Variants in ETV6 observed in about 807,000 individuals in gnomAD.
ETV6 encodes ETS variant transcription factor 6.
In ETV6, 16 loss-of-function variants were observed where a neutral mutation model predicts 51.1. The observed-to-expected ratio is 0.31, with a 90% CI of 0.21 to 0.48. The LOEUF (loss-of-function observed/expected upper bound fraction) is 0.48, where lower values mean the gene tolerates loss of function less well. ETV6 is among the 20% of genes least tolerant of loss of function. ETV6 has a pLI of 0.99. For missense variants in ETV6, 458 were observed against 594.8 expected (o/e 0.77, Z 2.39); for synonymous variants, 240 against 224.1 (o/e 1.07, Z -0.64).
intron 1 of ETV6, among the ~76,000 whole-genome samples, chr12:11,726,264 G>T (rs188817349): frequency 6.6e-6 from 1 of 152,312 alleles, no homozygotes; most frequent in Non-Finnish European, 1.5e-5. Context: ...TGAAGGAAAA[G>T]AGGGGAGACC....
intron 2 of ETV6, among the ~76,000 whole-genome samples, chr12:11,815,889 G>C (rs2136427168): frequency 6.6e-6 from 1 of 152,290 alleles, no homozygotes; most frequent in East Asian, 1.9e-4. Flanking sequence ...ACAGAAGGCA[G>C]TTCTATTACA....
At chr12:11,770,600 C>G (rs1248032141) in intron 2 of ETV6, among the ~76,000 whole-genome samples, 7 of 152,204 alleles carry the variant, frequency 4.6e-5, no homozygotes, top group Non-Finnish European at 1.5e-5. Context: ...TTCCCTTCCT[C>G]TACTTATCTT....
intron 1 of ETV6, among the ~76,000 whole-genome samples, chr12:11,742,805 CTTT>C (rs751007395): frequency 4.8e-4 from 38 of 78,676 alleles, no homozygotes; most frequent in South Asian, 4.0e-3. Flanking sequence ...TTCTTTCTTT[CTTT>C]TTTTTTTTTT....
chr12:11,714,437 G>A (rs982349316), intron 1 of ETV6, among the ~76,000 whole-genome samples: 7 of 152,086 alleles, frequency 4.6e-5, no homozygotes, highest in Non-Finnish European at 7.4e-5. Context: ...GCCTAACTAC[G>A]CAGCCTGCCT....
intron 1 of ETV6, among the ~76,000 whole-genome samples, chr12:11,748,218 A>G (rs1159842926): frequency 6.6e-6 from 1 of 152,200 alleles, no homozygotes; most frequent in Non-Finnish European, 1.5e-5. Flanking sequence ...AATGACCACT[A>G]TCCTGTGTCC....
intron 1 of ETV6, among the ~76,000 whole-genome samples, chr12:11,681,596 T>C (rs750083654): frequency 1.4e-4 from 22 of 152,180 alleles, no homozygotes; most frequent in Non-Finnish European, 2.6e-4. Flanking sequence ...TATTATACTT[T>C]AAGTTCTGGG....
chr12:11,827,750 A>G (rs1246119300), intron 2 of ETV6, among the ~76,000 whole-genome samples: 3 of 152,210 alleles, frequency 2.0e-5, no homozygotes, highest in South Asian at 2.1e-4. Flanking sequence ...CCAGTTCAGA[A>G]TGAGAATGAG....
At chr12:11,751,928 T>C in intron 1 of ETV6, 1 of 441,606 alleles carries the variant, frequency 2.3e-6, no homozygotes, top group East Asian at 6.0e-5. Flanking sequence ...TCCTTGTGGA[T>C]TGAAGTTCTA....
intron 3 of ETV6, chr12:11,840,616 G>C (rs975433422): frequency 7.2e-6 from 3 of 418,880 alleles, no homozygotes; most frequent in Non-Finnish European, 1.4e-5. Flanking sequence ...CAGGAGATGA[G>C]ATAAAGCCCC....
intron 1 of ETV6, among the ~76,000 whole-genome samples, chr12:11,662,685 T>G (rs1293631772): frequency 6.6e-6 from 1 of 152,214 alleles, no homozygotes; most frequent in Non-Finnish European, 1.5e-5. Flanking sequence ...ATTTCTTATT[T>G]GGGTGCACTT....
chr12:11,857,820 C>T (rs1233618983), intron 4 of ETV6, among the ~76,000 whole-genome samples: 1 of 152,222 alleles, frequency 6.6e-6, no homozygotes, highest in African/African-American at 2.4e-5. Context: ...TCTGTCTCCC[C>T]AGTTATAAGA....
intron 1 of ETV6, among the ~76,000 whole-genome samples, chr12:11,724,077 T>C (rs1174334266): frequency 1.3e-5 from 2 of 151,946 alleles, no homozygotes; most frequent in Non-Finnish European, 2.9e-5. Context: ...TAACTCTTGG[T>C]CTCATTAGGG....
chr12:11,665,928 T>G (rs934157751), intron 1 of ETV6, among the ~76,000 whole-genome samples: 12 of 152,340 alleles, frequency 7.9e-5, no homozygotes, highest in Admixed American at 3.3e-4. Context: ...ACCTTCAGGC[T>G]GGATGTGCCA....
intron 1 of ETV6, among the ~76,000 whole-genome samples, chr12:11,729,118 G>A (rs1278990122): frequency 6.6e-6 from 1 of 152,220 alleles, no homozygotes; most frequent in African/African-American, 2.4e-5. Flanking sequence ...CTGCTCAAGT[G>A]TGAGAAAGCG....
At chr12:11,825,471 C>T (rs184305948) in intron 2 of ETV6, among the ~76,000 whole-genome samples, 100 of 152,344 alleles carry the variant, frequency 6.6e-4, no homozygotes, top group African/African-American at 2.1e-3. Context: ...TCGCCTGCAT[C>T]GCTCCTGTCT....
intron 2 of ETV6, among the ~76,000 whole-genome samples, chr12:11,815,195 G>A (rs552977497): frequency 7.9e-5 from 12 of 152,236 alleles, no homozygotes; most frequent in Admixed American, 2.0e-4. Context: ...AGCAAGATGG[G>A]CATGATTAAA....
intron 2 of ETV6, among the ~76,000 whole-genome samples, chr12:11,772,601 T>C (rs1945258049): frequency 6.6e-6 from 1 of 152,182 alleles, no homozygotes; most frequent in Non-Finnish European, 1.5e-5. Context: ...AAGGAAGTAA[T>C]TGATTGCATA....
intron 1 of ETV6, among the ~76,000 whole-genome samples, chr12:11,697,604 CTGAT>C (rs1864900171): frequency 6.6e-6 from 1 of 152,056 alleles, no homozygotes; most frequent in African/African-American, 2.4e-5. Context: ...AGGCCTCAGA[CTGAT>C]TAAGAATTTA....
chr12:11,822,637 C>T (rs1232604919), intron 2 of ETV6, among the ~76,000 whole-genome samples: 1 of 152,176 alleles, frequency 6.6e-6, no homozygotes, highest in Admixed American at 6.5e-5. Context: ...GCTGCCTCAG[C>T]CAGGCATTAC....
Sources: allele counts gnomAD v4.1 joint callset (sites outside exome capture counted in the v4.1 genomes callset), GRCh38; gene constraint gnomAD v4.1.1; transcripts MANE v1.5; gene names NCBI Gene and HGNC (gene_info 2026-07-23, HGNC 2026-07-21).